The following NAV3 variants were observed in gnomAD, a reference collection of about 807,000 sequenced individuals.
NAV3 encodes neuron navigator 3, also known as pore membrane and/or filament interacting like protein 1.
NAV3 carries 87 observed loss-of-function variants against 244.7 expected under a neutral mutation model. The ratio of observed to expected loss-of-function variants is 0.36; its 90% CI spans 0.30 to 0.42. The LOEUF (loss-of-function observed/expected upper bound fraction) is 0.42, where lower values mean the gene tolerates loss of function less well. Ranked by LOEUF, NAV3 falls within the 20% of genes least tolerant of loss-of-function variation. The probability of loss-of-function intolerance (pLI) is 1.00; values close to 1 mark genes in which losing one functional copy is unlikely to be tolerated. For synonymous variants in NAV3, 1,126 were observed against 1,042.2 expected (o/e 1.08, Z -1.55); for missense variants, 2,663 against 2,893.3 (o/e 0.92, Z 1.83).
chr12:78,160,593 C>A (rs117500602), intron 23 of NAV3, among the ~76,000 whole-genome samples: 1 of 152,134 alleles, frequency 6.6e-6, no homozygotes, highest in Non-Finnish European at 1.5e-5. Flanking sequence ...ATGTGATTAG[C>A]TTTACAAAAG....
At chr12:77,995,098 T>C (rs1443637221) in intron 6 of NAV3, among the ~76,000 whole-genome samples, 3 of 152,182 alleles carry the variant, frequency 2.0e-5, no homozygotes, top group Non-Finnish European at 4.4e-5. Context: ...TGTAGTGCTA[T>C]AACTGGGCTT....
At chr12:77,819,585 T>A (rs1872653026) in intron 2 of NAV3, among the ~76,000 whole-genome samples, 1 of 152,014 alleles carries the variant, frequency 6.6e-6, no homozygotes, top group African/African-American at 2.4e-5. Flanking sequence ...CGTTGCTCTA[T>A]ACCCTAAATC....
intron 3 of NAV3, among the ~76,000 whole-genome samples, chr12:77,960,937 T>C (rs1245356748): frequency 6.8e-6 from 1 of 146,810 alleles, no homozygotes; most frequent in Non-Finnish European, 1.5e-5. Flanking sequence ...ATATTATGTG[T>C]ATACATGCCT....
At chr12:77,797,569 G>T (rs573329250) in intron 2 of NAV3, among the ~76,000 whole-genome samples, 2 of 141,502 alleles carry the variant, frequency 1.4e-5, no homozygotes, top group Non-Finnish European at 3.0e-5. Context: ...TAGGCCGGGC[G>T]TGGTGGCTCA....
At chr12:77,608,004 T>G (rs1361015633) in intron 2 of NAV3, among the ~76,000 whole-genome samples, 1 of 152,072 alleles carries the variant, frequency 6.6e-6, no homozygotes, top group Non-Finnish European at 1.5e-5. Flanking sequence ...TTCTTTTTGC[T>G]GAGAAACATA....
chr12:78,123,663 AT>A (rs1955779462), intron 16 of NAV3, among the ~76,000 whole-genome samples: 1 of 152,190 alleles, frequency 6.6e-6, no homozygotes, highest in African/African-American at 2.4e-5. Context: ...ACTAACTAAA[AT>A]ATTGGTGTTT....
intron 2 of NAV3, among the ~76,000 whole-genome samples, chr12:77,729,556 T>G (rs745800779): frequency 1.3e-5 from 2 of 151,942 alleles, no homozygotes; most frequent in African/African-American, 2.4e-5. Context: ...AACATGGTGA[T>G]CAGAGCATAG....
chr12:77,765,005 T>A (rs1452023490), intron 2 of NAV3, among the ~76,000 whole-genome samples: 1 of 152,278 alleles, frequency 6.6e-6, no homozygotes, highest in Non-Finnish European at 1.5e-5. Flanking sequence ...AAAGGTTTCA[T>A]GAATCATAAA....
chr12:77,885,631 C>A (rs1010650458), intron 1 of NAV3, among the ~76,000 whole-genome samples: 1 of 152,052 alleles, frequency 6.6e-6, no homozygotes, highest in Admixed American at 6.6e-5. Flanking sequence ...TTCCAGTATT[C>A]TTCTAAATTT....
At chr12:77,764,357 AT>A (rs1256381350) in intron 2 of NAV3, among the ~76,000 whole-genome samples, 39 of 152,200 alleles carry the variant, frequency 2.6e-4, no homozygotes, top group Non-Finnish European at 4.6e-4. Flanking sequence ...AATCATAGTC[AT>A]TTTGTTGCAT....
intron 5 of NAV3, among the ~76,000 whole-genome samples, chr12:77,969,384 T>C (rs958415547): frequency 6.6e-6 from 1 of 152,038 alleles, no homozygotes; most frequent in Non-Finnish European, 1.5e-5. Flanking sequence ...TAACAAGAGA[T>C]TTATTGTGAA....
upstream of NAV3, among the ~76,000 whole-genome samples, chr12:77,826,873 A>G (rs7961324): frequency 0.28 from 41,936 of 152,066 alleles, 6,885 homozygotes; most frequent in East Asian, 0.45. Context: ...TTATTTCCTT[A>G]TATTTGTTGA....
At position 78,086,376 on chromosome 12, in the gene NAV3, A is replaced by G. The variant is rs74347580; in HGVS notation, c.2636+27261A>G. ...TATGTATTGTTAGGCAATTATGTGAAAAATGCAAATAATATTAATTTCAAT... is the reference window on the plus strand; with the variant it reads ...TATGTATTGTTAGGCAATTATGTGAGAAATGCAAATAATATTAATTTCAAT... On this transcript the variant is annotated intron_variant, in intron 12 of 39. Transcript: ENST00000397909. Among the ~76,000 whole-genome samples, 1,197 of 152,208 alleles carry G rather than the reference A, an allele frequency of 7.9e-3. 10 individuals carry two copies. The highest frequency in any genetic ancestry group is 0.027 in the African/African-American group (1,132 of 41,568).
At chr12:78,108,218 G>C (rs1340743119) in intron 12 of NAV3, among the ~76,000 whole-genome samples, 1 of 152,094 alleles carries the variant, frequency 6.6e-6, no homozygotes, top group Non-Finnish European at 1.5e-5. Flanking sequence ...GACAAAGGAT[G>C]TTATTATATA....
chr12:77,884,546 C>T (rs1840585573), intron 1 of NAV3, among the ~76,000 whole-genome samples: 1 of 152,058 alleles, frequency 6.6e-6, no homozygotes, highest in African/African-American at 2.4e-5. Context: ...TTCTGGTGCC[C>T]AATGGCAGAA....
chr12:77,685,739 A>G (rs1026065666), intron 2 of NAV3, among the ~76,000 whole-genome samples: 9 of 152,170 alleles, frequency 5.9e-5, no homozygotes, highest in Admixed American at 5.9e-4. Context: ...TAGTTTTAGT[A>G]TTTATTAAAC....
intron 1 of NAV3, among the ~76,000 whole-genome samples, chr12:77,888,024 G>GTTTTTTTTTTTTTTTTT (rs1555223631): frequency 2.0e-5 from 3 of 148,466 alleles, no homozygotes; most frequent in Non-Finnish European, 1.5e-5. Context: ...AAGTTGTTGA[G>GTTTTTTTTTTTTTTTTT]TTTTTTTTTT....
intron 39 of NAV3, among the ~76,000 whole-genome samples, chr12:78,205,924 C>T (rs1960251572): frequency 6.6e-6 from 1 of 151,898 alleles, no homozygotes; most frequent in Non-Finnish European, 1.5e-5. Context: ...TAAGACAAAA[C>T]ATAAATAATT....
chr12:77,968,302 A>C (rs1216559170), intron 4 of NAV3, among the ~76,000 whole-genome samples: 1 of 152,140 alleles, frequency 6.6e-6, no homozygotes, highest in Non-Finnish European at 1.5e-5. Context: ...TGTTCTTTTT[A>C]CCCTCTATCC....
Sources: allele counts gnomAD v4.1 joint callset (sites outside exome capture counted in the v4.1 genomes callset), GRCh38; gene constraint gnomAD v4.1.1; transcripts MANE v1.5; gene names NCBI Gene and HGNC (gene_info 2026-07-23, HGNC 2026-07-21).